Variants in CIZ1 observed in about 807,000 individuals in gnomAD.
CIZ1 encodes cip1-interacting zinc finger protein.
CIZ1 carries 58 observed loss-of-function variants against 118.6 expected under a neutral mutation model. That is an observed-to-expected ratio of 0.49 (90% CI 0.40 to 0.61). The LOEUF (loss-of-function observed/expected upper bound fraction) is 0.61. Among genes scored for constraint, CIZ1 ranks in the 20% least tolerant of loss-of-function variants. The pLI is 0.00. For missense variants in CIZ1, 921 were observed against 1,115.9 expected (o/e 0.83, Z 2.49); for synonymous variants, 448 against 443.4 (o/e 1.01, Z -0.13).
At chr9:128,173,778 G>A (rs531350193) in intron 11 of CIZ1, among the ~76,000 whole-genome samples, 3 of 152,056 alleles carry the variant, frequency 2.0e-5, no homozygotes, top group African/African-American at 4.8e-5. Context: ...AGGCCAAGGC[G>A]GGCAGATCAC....
intron 2 of CIZ1, 106 bp from the exon 3 acceptor site, chr9:128,190,550 G>T: frequency 7.4e-7 from 1 of 1,348,346 alleles, no homozygotes; most frequent in South Asian, 1.3e-5. Context: ...GGTAGACAGA[G>T]GACCCCTTGG....
rs550697095 is a variant in CIZ1 at position 128,178,384 on chromosome 9, C to T, written c.1605G>A (p.Ala535=). ...GLDVGECENR[A]REMPGVWGAG... ...CTCTACCCACCCCTGGCATCTCTCT[C>T]GCTCTGTTTTCACATTCTCCCACAT... The change falls in exon 9 of 17, where the codon GCG becomes GCA. Residue 535 remains alanine, a synonymous_variant. Coordinates refer to ENST00000372938, the MANE Select transcript of CIZ1 (RefSeq NM_001131016.2). 76 of 1,613,694 alleles carry T rather than the reference C, an allele frequency of 4.7e-5. No individual in the cohort carries two copies. The highest frequency in any genetic ancestry group is 6.7e-5 in the Admixed American group (4 of 59,876).
intron 11 of CIZ1, among the ~76,000 whole-genome samples, chr9:128,174,445 T>C (rs1417449327): frequency 6.6e-6 from 1 of 152,164 alleles, no homozygotes; most frequent in Non-Finnish European, 1.5e-5. Flanking sequence ...TAAGAAATGG[T>C]ATCCCCTGGG....
At chr9:128,174,742 C>T (rs1285118338) in intron 11 of CIZ1, among the ~76,000 whole-genome samples, 6 of 151,478 alleles carry the variant, frequency 4.0e-5, no homozygotes, top group African/African-American at 1.5e-4. Flanking sequence ...TCACTGCAAC[C>T]TCCGCCCCCA....
chr9:128,171,455 C>T (rs555223192), intron 11 of CIZ1, among the ~76,000 whole-genome samples: 3 of 151,050 alleles, frequency 2.0e-5, no homozygotes, highest in Admixed American at 6.6e-5. Context: ...GGGCCGGGCA[C>T]GGTGGCTCAC....
intron 11 of CIZ1, among the ~76,000 whole-genome samples, chr9:128,171,143 A>G: frequency 6.6e-6 from 1 of 152,058 alleles, no homozygotes; most frequent in Admixed American, 6.6e-5. Context: ...TAAATAAATA[A>G]AAAGGGGGCC....
Position 128,203,726 on chromosome 9 carries a change from C to T in CIZ1, c.-6+460G>A. On this transcript the variant is annotated intron_variant, in intron 1 of 17. Coordinates refer to the CIZ1 transcript ENST00000372948. The surrounding 1 kb of genome is among the most constrained non-coding windows in gnomAD (Gnocchi z 5.3). ...TGACGGCGCGGCGACCTCGCAGCCCCCGACGCTGCACCCGCGGCCGGCGCG... is the reference window on the plus strand; with the variant it reads ...TGACGGCGCGGCGACCTCGCAGCCCTCGACGCTGCACCCGCGGCCGGCGCG... 8.3e-6 allele frequency: 10 copies of T among 1,204,086 alleles called. No homozygotes were observed. The highest frequency in any genetic ancestry group is 1.1e-5 in the Non-Finnish European group (10 of 951,756). The allele number at this position is 1,204,086 out of a possible 1,614,324, so 74.6% of individuals were successfully genotyped here.
At chr9:128,178,170 C>A (rs1256580548) in intron 9 of CIZ1, among the ~76,000 whole-genome samples, 199 bp downstream of exon 9, 1 of 152,128 alleles carries the variant, frequency 6.6e-6, no homozygotes, top group Non-Finnish European at 1.5e-5. Context: ...GTGAAGACAG[C>A]ACAACAGCAA....
chr9:128,171,807 T>C (rs1403542678), intron 11 of CIZ1, among the ~76,000 whole-genome samples: 1 of 151,202 alleles, frequency 6.6e-6, no homozygotes, highest in Non-Finnish European at 1.5e-5. Flanking sequence ...TAATCTTGGG[T>C]TGGGAAAGAT....
intron 3 of CIZ1, among the ~76,000 whole-genome samples, chr9:128,189,795 A>C (rs957965259): frequency 9.7e-5 from 12 of 123,440 alleles, no homozygotes; most frequent in African/African-American, 3.7e-4. Flanking sequence ...ACTCCACTCC[A>C]GCCTGGGCGA....
chr9:128,169,350 T>C, intron 13 of CIZ1, 56 bp downstream of exon 13: 1 of 1,447,770 alleles, frequency 6.9e-7, no homozygotes, highest in Middle Eastern at 1.8e-4. Context: ...CTACACAGCC[T>C]TGGCCAAGGC....
chr9:128,181,630 G>A (rs926371626), intron 5 of CIZ1, among the ~76,000 whole-genome samples: 2 of 152,248 alleles, frequency 1.3e-5, no homozygotes, highest in African/African-American at 4.8e-5. Context: ...TGCCTGGGCA[G>A]GGCCACCAGA....
At chr9:128,178,517 C>T in intron 8 of CIZ1, 27 bp from the exon 9 acceptor site, 2 of 1,613,976 alleles carry the variant, frequency 1.2e-6, no homozygotes, top group Non-Finnish European at 1.7e-6. Context: ...GCTGTATTTC[C>T]CAGAGTCCCC....
chr9:128,200,258 A>G (rs1030831752), intron 1 of CIZ1: 6 of 152,158 alleles, frequency 3.9e-5, no homozygotes, highest in African/African-American at 1.4e-4. Flanking sequence ...TCCCTAAGCT[A>G]TAGTGGTTAT....
Position 128,177,750 on chromosome 9 carries a change from CCGG to C in CIZ1, c.1631_1633del (p.Ala544del), listed in dbSNP as rs1459493710. ...CAGAATGGTGACCTTCAGGGAGCCC[CCGG>C]CGCCCCATACCTGCATGGGGAGTAG... On this transcript the variant is annotated inframe_deletion, in exon 10 of 17. Transcript: ENST00000372938. 5.6e-6 allele frequency: 9 copies of C among 1,598,836 alleles called. No homozygotes were observed. In the Admixed American group the frequency reaches 1.4e-4, roughly 24 times the overall value.
intron 10 of CIZ1, 42 bp downstream of exon 10, chr9:128,177,524 G>T: frequency 8.1e-7 from 1 of 1,241,386 alleles, no homozygotes. Flanking sequence ...GGCATTCCAC[G>T]CAGGCCCCAC....
At chr9:128,200,327 A>C (rs1328571670) in intron 1 of CIZ1, 4 of 152,136 alleles carry the variant, frequency 2.6e-5, no homozygotes, top group Admixed American at 2.0e-4. Context: ...TGGTTTTACA[A>C]TAAGTTTCAA....
At chr9:128,194,418 C>T (rs1398134982), upstream of CIZ1, among the ~76,000 whole-genome samples, 1 of 144,476 alleles carries the variant, frequency 6.9e-6, no homozygotes, top group Non-Finnish European at 1.5e-5. Context: ...GACCCAATAA[C>T]ACCATTTGTA....
At chr9:128,185,044 T>G (rs910596201) in intron 5 of CIZ1, among the ~76,000 whole-genome samples, 3 of 152,046 alleles carry the variant, frequency 2.0e-5, no homozygotes, top group African/African-American at 7.2e-5. Flanking sequence ...TTTGGGAGGC[T>G]GAGGCGGGCG....
Sources: gnomAD v4.1 joint callset for allele counts (sites outside exome capture counted in the v4.1 genomes callset) on GRCh38, gnomAD v4.1.1 for gene constraint, Gnocchi (gnomAD v3.1) non-coding constraint, MANE v1.5 for transcripts, NCBI Gene and HGNC (gene_info 2026-07-23, HGNC 2026-07-21) for gene names.